Variants in NAV3 observed in about 807,000 individuals in gnomAD.
NAV3 encodes pore membrane and/or filament interacting like protein 1.
A neutral mutation model predicts 244.7 loss-of-function variants in NAV3; 87 were observed. The observed-to-expected ratio is 0.36, with a 90% CI of 0.30 to 0.42. NAV3 has a LOEUF of 0.42. NAV3 is among the 20% of genes least tolerant of loss of function. The pLI is 1.00. For synonymous variants in NAV3, 1,126 were observed against 1,042.2 expected (o/e 1.08, Z -1.55); for missense variants, 2,663 against 2,893.3 (o/e 0.92, Z 1.83).
intron 24 of NAV3, among the ~76,000 whole-genome samples, chr12:78,169,180 T>C (rs1957900519): frequency 6.6e-6 from 1 of 151,706 alleles, no homozygotes. Flanking sequence ...GAGTGGTTGG[T>C]TAATACATGC....
chr12:77,891,821 T>C (rs1171305898), intron 1 of NAV3, among the ~76,000 whole-genome samples: 3 of 152,162 alleles, frequency 2.0e-5, no homozygotes, highest in Non-Finnish European at 1.5e-5. Context: ...GAAGAACCAC[T>C]CATCTTAAGT....
chr12:78,169,131 A>C (rs1593881256), intron 24 of NAV3, among the ~76,000 whole-genome samples: 3 of 151,748 alleles, frequency 2.0e-5, no homozygotes, highest in African/African-American at 7.2e-5. Flanking sequence ...CTATAGTTGT[A>C]TACACATCTC....
chr12:77,948,979 T>G (rs1419075285), intron 3 of NAV3, among the ~76,000 whole-genome samples: 1 of 151,992 alleles, frequency 6.6e-6, no homozygotes, highest in Non-Finnish European at 1.5e-5. Flanking sequence ...TGAAATGTAG[T>G]AGATATGCCA....
intron 12 of NAV3, among the ~76,000 whole-genome samples, chr12:78,059,863 A>G (rs1433840476): frequency 6.6e-6 from 1 of 152,162 alleles, no homozygotes; most frequent in African/African-American, 2.4e-5. Context: ...ATCATCTAGT[A>G]TAATAAGCTT....
At chr12:77,748,182 C>T (rs1302920900) in intron 2 of NAV3, among the ~76,000 whole-genome samples, 2 of 152,080 alleles carry the variant, frequency 1.3e-5, no homozygotes, top group African/African-American at 2.4e-5. Flanking sequence ...AGTGCTATCT[C>T]CTGCTACTGG....
At chr12:77,918,548 C>A (rs944467780) in intron 1 of NAV3, among the ~76,000 whole-genome samples, 1 of 152,066 alleles carries the variant, frequency 6.6e-6, no homozygotes, top group Non-Finnish European at 1.5e-5. Context: ...TGTGGGTTAT[C>A]TATTTGGGCT....
At chr12:77,871,075 A>C in intron 1 of NAV3, among the ~76,000 whole-genome samples, 1 of 152,200 alleles carries the variant, frequency 6.6e-6, no homozygotes. Flanking sequence ...CACTTATTTC[A>C]GCTCTTGAAT....
At chr12:77,972,907 G>A (rs61936162) in intron 5 of NAV3, among the ~76,000 whole-genome samples, 1 of 151,858 alleles carries the variant, frequency 6.6e-6, no homozygotes, top group Non-Finnish European at 1.5e-5. Flanking sequence ...TCAACCCTAA[G>A]CAGTACCTAG....
chr12:77,827,983 A>G (rs182002704), upstream of NAV3, among the ~76,000 whole-genome samples: 2 of 152,288 alleles, frequency 1.3e-5, no homozygotes, highest in Admixed American at 1.3e-4. Context: ...AGAAGAATCA[A>G]TTCGCTTAAA....
At chr12:77,962,339 A>C (rs908688880) in intron 3 of NAV3, among the ~76,000 whole-genome samples, 11 of 152,134 alleles carry the variant, frequency 7.2e-5, no homozygotes, top group African/African-American at 2.7e-4. Context: ...CCTACTGCCT[A>C]CGAACCATCT....
At chr12:77,735,937 T>C (rs562280908) in intron 2 of NAV3, among the ~76,000 whole-genome samples, 7 of 152,216 alleles carry the variant, frequency 4.6e-5, no homozygotes, top group South Asian at 4.1e-4. Flanking sequence ...TCCCTGCATC[T>C]TTCTGATGTC....
intron 1 of NAV3, among the ~76,000 whole-genome samples, chr12:77,906,430 C>A (rs1444375643): frequency 6.6e-6 from 1 of 152,006 alleles, no homozygotes; most frequent in African/African-American, 2.4e-5. Context: ...ATTTTCTTTG[C>A]ATGAGTTTAT....
intron 2 of NAV3, among the ~76,000 whole-genome samples, chr12:77,639,155 A>G (rs1187765072): frequency 6.6e-6 from 1 of 152,148 alleles, no homozygotes; most frequent in East Asian, 1.9e-4. Context: ...TTGGATTTGG[A>G]TTCCCAATAA....
intron 2 of NAV3, among the ~76,000 whole-genome samples, chr12:77,662,045 T>C (rs1408156075): frequency 7.9e-5 from 12 of 152,046 alleles, no homozygotes; most frequent in Non-Finnish European, 1.8e-4. Flanking sequence ...TGTCATTCCA[T>C]ATAAAATTTA....
chr12:78,038,340 T>A (rs1880272637), intron 9 of NAV3, among the ~76,000 whole-genome samples: 1 of 152,228 alleles, frequency 6.6e-6, no homozygotes, highest in African/African-American at 2.4e-5. Flanking sequence ...ATTGGCCTCC[T>A]TAAGTTGAAA....
At chr12:78,003,763 AAGATG>A (rs1266537829) in intron 7 of NAV3, among the ~76,000 whole-genome samples, 1 of 152,240 alleles carries the variant, frequency 6.6e-6, no homozygotes, top group Non-Finnish European at 1.5e-5. Context: ...GTTTATTTAC[AAGATG>A]AGATAACTAG....
intron 12 of NAV3, among the ~76,000 whole-genome samples, chr12:78,063,838 G>A (rs1884630268): frequency 6.6e-6 from 1 of 152,130 alleles, no homozygotes; most frequent in South Asian, 2.1e-4. Context: ...AACCAGTAAT[G>A]GGATTCTGAA....
chr12:77,975,178 A>G (rs1028700160), intron 5 of NAV3, among the ~76,000 whole-genome samples: 2 of 152,170 alleles, frequency 1.3e-5, no homozygotes, highest in Non-Finnish European at 2.9e-5. Context: ...ATAGCTAAAT[A>G]GAATGCTCCT....
intron 1 of NAV3, among the ~76,000 whole-genome samples, chr12:77,936,299 G>C (rs1889322724): frequency 6.6e-6 from 1 of 152,124 alleles, no homozygotes; most frequent in Non-Finnish European, 1.5e-5. Context: ...GAATTTCTAA[G>C]TAGCCCTCTT....
Sources: allele counts gnomAD v4.1 joint callset (sites outside exome capture counted in the v4.1 genomes callset), GRCh38; gene constraint gnomAD v4.1.1; transcripts MANE v1.5; gene names NCBI Gene and HGNC (gene_info 2026-07-23, HGNC 2026-07-21).